Variants in TCF20 observed in about 807,000 individuals in gnomAD.
TCF20 encodes SPRE-binding protein.
TCF20 carries 3 observed loss-of-function variants against 148.6 expected under a neutral mutation model. The observed-to-expected ratio is 0.02, with a 90% CI of 0.01 to 0.05. The LOEUF is 0.05. Ranked by LOEUF, TCF20 falls within the 10% of genes least tolerant of loss-of-function variation. The pLI is 1.00. For synonymous variants in TCF20, 1,049 were observed against 909.5 expected, an observed-to-expected ratio of 1.15 and a Z score of -2.76; for missense variants, 2,350 against 2,429.3, an observed-to-expected ratio of 0.97 and a Z score of 0.69.
intron 2 of TCF20, among the ~76,000 whole-genome samples, chr22:42,203,673 G>C (rs1938193191): frequency 6.6e-6 from 1 of 152,196 alleles, no homozygotes; most frequent in Non-Finnish European, 1.5e-5. Flanking sequence ...CATGGGAACA[G>C]GGCGCCACCG....
chr22:42,273,334 T>A (rs1416309726), upstream of TCF20, among the ~76,000 whole-genome samples: 2 of 113,968 alleles, frequency 1.8e-5, no homozygotes, highest in African/African-American at 6.9e-5. Flanking sequence ...CACTCCAGCC[T>A]GGGCGACAAG....
At chr22:42,186,817 T>C (rs766047211) in intron 2 of TCF20, among the ~76,000 whole-genome samples, 1 of 152,254 alleles carries the variant, frequency 6.6e-6, no homozygotes, top group Non-Finnish European at 1.5e-5. Flanking sequence ...TAAAGCATTT[T>C]GCATTACAAG....
At chr22:42,198,664 A>AAT (rs1937754056) in intron 2 of TCF20, among the ~76,000 whole-genome samples, 1 of 135,196 alleles carries the variant, frequency 7.4e-6, no homozygotes, top group African/African-American at 3.0e-5. Context: ...AATTTTTCCA[A>AAT]GTTTTTTTTT....
chr22:42,197,362 G>A (rs1029145966), intron 2 of TCF20, among the ~76,000 whole-genome samples: 11 of 143,028 alleles, frequency 7.7e-5, no homozygotes, highest in South Asian at 2.2e-4. Flanking sequence ...TCGCTGTGTC[G>A]CCCAGGCTGG....
At position 42,330,142 on chromosome 22, in the gene TCF20, TCAGGGGGCCAC is replaced by T. The variant is rs143399217; in HGVS notation, c.-37+13326_-37+13336del. 4.6e-3 allele frequency among the ~76,000 whole-genome samples: 705 copies of T among 152,280 alleles called. 10 individuals are homozygous for T. The highest frequency in any genetic ancestry group is 0.016 in the African/African-American group (668 of 41,540). Reference sequence around the variant, plus strand: ...GCAGACAACCCCTGGCCAGGGCCTCTCAGGGGGCCACCAGGCAGGCTGGAGGCTGCAGAGGC... The same window carrying T: ...GCAGACAACCCCTGGCCAGGGCCTCTCAGGCAGGCTGGAGGCTGCAGAGGC... On this transcript the variant is annotated intron_variant, in intron 1 of 1. Transcript: ENST00000515426.
chr22:42,264,674 C>A (rs1361114540), intron 1 of TCF20, among the ~76,000 whole-genome samples: 5 of 152,198 alleles, frequency 3.3e-5, no homozygotes, highest in Non-Finnish European at 7.3e-5. Flanking sequence ...TCTTTGTGAC[C>A]ACTCTAAAGT....
At chr22:42,184,960 A>G (rs1375097987) in intron 2 of TCF20, among the ~76,000 whole-genome samples, 1 of 152,216 alleles carries the variant, frequency 6.6e-6, no homozygotes, top group Non-Finnish European at 1.5e-5. Context: ...GGGCTCGCTG[A>G]CTTGAGGTAG....
intron 2 of TCF20, among the ~76,000 whole-genome samples, chr22:42,194,357 G>A (rs1466158781): frequency 6.6e-6 from 1 of 152,232 alleles, no homozygotes; most frequent in Non-Finnish European, 1.5e-5. Flanking sequence ...CTTCAATGAA[G>A]AACGGTTTCT....
chr22:42,174,114 C>T (rs1009248477), intron 3 of TCF20, among the ~76,000 whole-genome samples: 11 of 152,240 alleles, frequency 7.2e-5, no homozygotes, highest in African/African-American at 2.4e-4. Flanking sequence ...TGCTCTATGG[C>T]CCCTTCCAAA....
chr22:42,324,353 A>G (rs532296170), intron 1 of TCF20, among the ~76,000 whole-genome samples: 2 of 152,186 alleles, frequency 1.3e-5, no homozygotes, highest in South Asian at 4.1e-4. Context: ...ACTAGGCCTG[A>G]TAAGACTTGA....
intron 2 of TCF20, among the ~76,000 whole-genome samples, chr22:42,195,037 T>A (rs1015913208): frequency 2.0e-5 from 3 of 151,262 alleles, no homozygotes; most frequent in African/African-American, 7.3e-5. Context: ...ATGGTCATTG[T>A]GCATTTCAAT....
chr22:42,182,504 G>A (rs1213845825), intron 2 of TCF20, among the ~76,000 whole-genome samples: 1 of 152,192 alleles, frequency 6.6e-6, no homozygotes, highest in Non-Finnish European at 1.5e-5. Context: ...GTGGAGCTTA[G>A]ATCTGAACAA....
intron 1 of TCF20, among the ~76,000 whole-genome samples, chr22:42,304,485 G>T (rs1434975175): frequency 6.6e-6 from 1 of 152,186 alleles, no homozygotes; most frequent in Non-Finnish European, 1.5e-5. Context: ...TCACTGAGAG[G>T]ACTCAGCACC....
Position 42,212,990 on chromosome 22 carries a change from A to G in TCF20, c.2316T>C (p.Thr772=). Residue 772 remains threonine, a synonymous_variant, in exon 2 of 6, where the codon ACT becomes ACC. Transcript: ENST00000677622. ...HHPDRRYSRS[T]QEHQGMAGSL... is the part of the protein sequence containing the mutation. ...TACCAGCCATCCCCTGATGCTCTTGAGTACTCCTAGAATATCTCCTGTCAG... is the reference window on the plus strand; with the variant it reads ...TACCAGCCATCCCCTGATGCTCTTGGGTACTCCTAGAATATCTCCTGTCAG... The G allele has an allele frequency of 6.2e-7, 1 of 1,614,078 alleles. No homozygotes were observed. Among genetic ancestry groups the G allele is most frequent in the Non-Finnish European group, 8.5e-7 (1 of 1,180,004 alleles).
At chr22:42,288,727 A>C (rs1927078706), upstream of TCF20, among the ~76,000 whole-genome samples, 1 of 31,126 alleles carries the variant, frequency 3.2e-5, no homozygotes, top group South Asian at 1.2e-3. Context: ...AAAAAAAAAA[A>C]AAAAAAAAAA....
chr22:42,323,327 T>TGGCAGCCAGG (rs1415922315), intron 1 of TCF20, among the ~76,000 whole-genome samples: 2 of 151,568 alleles, frequency 1.3e-5, no homozygotes, highest in Non-Finnish European at 3.0e-5. Flanking sequence ...AGGGTGGCAG[T>TGGCAGCCAGG]GGCAGCCAGG....
At chr22:42,224,291 GAAACCCCGTCT>G (rs1418516508) in intron 1 of TCF20, among the ~76,000 whole-genome samples, 1 of 152,026 alleles carries the variant, frequency 6.6e-6, no homozygotes, top group African/African-American at 2.4e-5. Context: ...CTAACACAGT[GAAACCCCGTCT>G]CTACTAAAAA....
In TCF20 at chr22:42,225,976, A is replaced by C. The variant is rs189925825; in HGVS notation, c.-36-10635T>G. 1.5e-3 allele frequency among the ~76,000 whole-genome samples: 226 copies of C among 152,344 alleles called. 1 individual carries two copies. The highest frequency in any genetic ancestry group is 0.014 in the Middle Eastern group (4 of 292). On this transcript the variant is annotated intron_variant, in intron 1 of 5. Transcript: ENST00000677622. Reference sequence around the variant, plus strand: ...TTAGGCATAATTTCAAACAGCCAAGAGGCTGCAAGCATCCTATATCCACCA... The same window carrying C: ...TTAGGCATAATTTCAAACAGCCAAGCGGCTGCAAGCATCCTATATCCACCA...
chr22:42,226,574 G>A (rs867569139), intron 1 of TCF20, among the ~76,000 whole-genome samples: 8 of 151,978 alleles, frequency 5.3e-5, no homozygotes, highest in East Asian at 1.9e-4. Context: ...ATACGGTGGC[G>A]GAAACCTATA....
Sources: allele counts gnomAD v4.1 joint callset (sites outside exome capture counted in the v4.1 genomes callset), GRCh38; gene constraint gnomAD v4.1.1; transcripts MANE v1.5; gene names NCBI Gene and HGNC (gene_info 2026-07-23, HGNC 2026-07-21).